The following ZNF286A variants were observed in gnomAD, a reference collection of about 807,000 sequenced individuals.
ZNF286A encodes the protein zinc finger protein ZNF286.
Under a neutral mutation model 49.3 loss-of-function variants are expected in ZNF286A, and 34 were observed. That is an observed-to-expected ratio of 0.69 (90% CI 0.52 to 0.92). The LOEUF (loss-of-function observed/expected upper bound fraction) is 0.92. ZNF286A is among the 40% of genes least tolerant of loss of function. The pLI, the probability that ZNF286A is intolerant of heterozygous loss-of-function variation, is 0.00. For synonymous variants in ZNF286A, 155 were observed against 200.4 expected, an observed-to-expected ratio of 0.77 and a Z score of 1.91; for missense variants, 462 against 600.2, an observed-to-expected ratio of 0.77 and a Z score of 2.41.
intron 4 of ZNF286A, among the ~76,000 whole-genome samples, chr17:15,707,117 C>T (rs1013652892): frequency 1.3e-5 from 2 of 152,046 alleles, no homozygotes; most frequent in African/African-American, 4.8e-5. Context: ...TAGCCCCTCC[C>T]AAACCTTATG....
At chr17:15,708,989 TAC>T (rs902820867) in intron 5 of ZNF286A, among the ~76,000 whole-genome samples, 1 of 152,184 alleles carries the variant, frequency 6.6e-6, no homozygotes, top group African/African-American at 2.4e-5. Flanking sequence ...AGAGGATAGA[TAC>T]ATACTCACTT....
chr17:15,706,544 C>T (rs1456937367), intron 4 of ZNF286A, 43 bp downstream of exon 4: 43 of 1,412,100 alleles, frequency 3.0e-5, no homozygotes, highest in Non-Finnish European at 4.0e-5. Flanking sequence ...ATAGGAGCAT[C>T]ATTACTTTAA....
chr17:15,716,765 T>G lies in ZNF286A; in HGVS notation c.1041T>G (p.Ile347Met). The change falls in exon 6 of 6, where the codon ATT becomes ATG. Residue 347 changes from isoleucine (I) to methionine (M), a missense_variant. Around this residue, in one of 3 missense-constraint regions of ZNF286A, gnomAD observed 201 missense variants for 311.3 expected, o/e 0.65. Transcript: ENST00000583566. ...CACATCTTGTGCAGCATCAGTTGATTCATACTGGAGTGAAGCCTTATGAAT... is the reference window on the plus strand; with the variant it reads ...CACATCTTGTGCAGCATCAGTTGATGCATACTGGAGTGAAGCCTTATGAAT... ...RSTHLVQHQL[I>M]HTGVKPYECN... 6.2e-7 allele frequency: 1 copy of G among 1,613,974 alleles called. No homozygotes were observed. The highest frequency in any genetic ancestry group is 8.5e-7 in the Non-Finnish European group (1 of 1,179,868).
chr17:15,704,450 G>A (rs1990043255), intron 3 of ZNF286A: 6 of 1,611,246 alleles, frequency 3.7e-6, no homozygotes, highest in African/African-American at 1.3e-5. Flanking sequence ...ATCTCTGTGA[G>A]CAGACGGGCC....
chr17:15,716,845 G>C lies in ZNF286A; in HGVS notation c.1121G>C (p.Arg374Thr), dbSNP rs768939008. Residue 374 changes from arginine (R) to threonine (T), a missense_variant, in exon 6 of 6, where the codon AGA (arginine) becomes ACA (threonine). Physicochemically the swap from Arg to Thr is moderately conservative, Grantham distance 71. Transcript: ENST00000583566. ...TCATCAGCACTCATTAAACATCAAAGAACTCATACTGGAGAGAAACCTTAT... is the reference window on the plus strand; with the variant it reads ...TCATCAGCACTCATTAAACATCAAACAACTCATACTGGAGAGAAACCTTAT... ...IHSSALIKHQ[R>T]THTGEKPYKC... 3.1e-6 allele frequency: 5 copies of C among 1,608,744 alleles called. No individual in the cohort carries two copies.
At chr17:15,703,582 T>C (rs1236313540) in intron 3 of ZNF286A, among the ~76,000 whole-genome samples, 1 of 152,052 alleles carries the variant, frequency 6.6e-6, no homozygotes, top group Non-Finnish European at 1.5e-5. Context: ...ACTATGTATA[T>C]TTTTTCACAT....
In ZNF286A at chr17:15,716,351, A is replaced by G. The variant is rs1967050259; in HGVS notation, c.627A>G (p.Arg209=). The stretch of plus-strand genomic sequence containing the variant: ...AATCTGTCCTTATCACTGAAGACAG[A>G]GTTCCCAAAGGATCTTATGCCTTCC... ...NQKSVLITED[R]VPKGSYAFHT... is the part of the protein sequence containing the mutation. Residue 209 remains arginine (R), a synonymous_variant, in exon 6 of 6, where the codon AGA becomes AGG. Coordinates refer to ENST00000583566, the MANE Select transcript of ZNF286A (RefSeq NM_001130842.2). The G allele has an allele frequency of 1.9e-6, 3 of 1,613,954 alleles. No homozygotes were observed. Among genetic ancestry groups the G allele is most frequent in the Non-Finnish European group, 1.7e-6 (2 of 1,179,892 alleles).
At position 15,712,651 on chromosome 17, in the gene ZNF286A, C is replaced by T. The variant is rs190876845; in HGVS notation, c.335-3408C>T. 5.5e-3 allele frequency among the ~76,000 whole-genome samples: 833 copies of T among 152,270 alleles called. 6 individuals are homozygous for T. Among genetic ancestry groups the T allele is most frequent in the Non-Finnish European group, 7.5e-3 (513 of 68,016 alleles). The stretch of plus-strand genomic sequence containing the variant: ...CCTAATTATATTCTAAGTATTTCTT[C>T]ACTGTTAATTTTCCTTCATATATTT... On this transcript the variant is annotated intron_variant, in intron 5 of 5. Transcript: ENST00000583566.
intron 3 of ZNF286A, among the ~76,000 whole-genome samples, chr17:15,702,629 G>A (rs1989873554): frequency 1.3e-5 from 2 of 152,214 alleles, no homozygotes; most frequent in Non-Finnish European, 2.9e-5. Context: ...AATCCAAGGT[G>A]TAAAAAGTAG....
rs2530064 is a variant in ZNF286A at position 15,717,167 on chromosome 17, C to T, written c.1443C>T (p.Leu481=). Residue 481 remains leucine (L), a synonymous_variant, in exon 6 of 6, where the codon CTC becomes CTT. Transcript: ENST00000583566. ...AAGCCTTCATTCATTCATCAGCTCT[C>T]ATTCAACATCAGAGAACTCATACCG... ...CGKAFIHSSA[L]IQHQRTHTGE... The T allele has an allele frequency of 0.3, 419,834 of 1,411,142 alleles. 84,236 individuals are homozygous for T. Among genetic ancestry groups the T allele is most frequent in the Admixed American group, 0.37 (20,808 of 55,502 alleles). 87.4% of individuals were successfully genotyped at this position (1,411,142 alleles called of 1,614,324 possible). A position where few individuals can be genotyped will look rare whatever the true frequency, so the allele number is the denominator to read the frequency against.
intron 5 of ZNF286A, 45 bp downstream of exon 5, chr17:15,708,292 G>A (rs745662625): frequency 6.8e-7 from 1 of 1,472,174 alleles, no homozygotes; most frequent in East Asian, 2.4e-5. Context: ...AGCCCAGCAG[G>A]ACAATGAAGA....
chr17:15,706,838 A>G (rs1990260960), intron 4 of ZNF286A, among the ~76,000 whole-genome samples: 1 of 152,138 alleles, frequency 6.6e-6, no homozygotes, highest in African/African-American at 2.4e-5. Flanking sequence ...GCTCTGTATT[A>G]GCTTTATTCC....
chr17:15,716,670 C>G lies in ZNF286A; in HGVS notation c.946C>G (p.His316Asp). ...TFTESSSLAT[H>D]QRIHVGERPY... ...CACAGAAAGCTCATCCCTTGCAACA[C>G]ATCAGAGAATTCACGTTGGAGAGAG... The change falls in exon 6 of 6, where the codon CAT (histidine) becomes GAT (aspartate). Residue 316 changes from histidine (H) to aspartate (D), a missense_variant. Physicochemically the swap from His to Asp is moderately conservative, Grantham distance 81 (BLOSUM62 -1). Coordinates refer to ENST00000583566, the MANE Select transcript of ZNF286A (RefSeq NM_001130842.2). 1.2e-6 allele frequency: 2 copies of G among 1,614,064 alleles called. No homozygotes were observed. Among genetic ancestry groups the G allele is most frequent in the Non-Finnish European group, 1.7e-6 (2 of 1,179,954 alleles).
intron 5 of ZNF286A, 86 bp downstream of exon 5, chr17:15,708,333 T>TCGGAGCTTGCA: frequency 9.6e-7 from 1 of 1,042,766 alleles, no homozygotes; most frequent in Non-Finnish European, 1.3e-6. Context: ...AAAGTGCCTG[T>TCGGAGCTTGCA]GTGCCCTTAT....
At position 15,717,956 on chromosome 17, in the gene ZNF286A, CAG is replaced by C. The variant is rs1967159025; in HGVS notation, c.*669_*670del. 2.1e-5 allele frequency: 1 copy of C among 48,384 alleles called. No homozygotes were observed. The highest frequency in any genetic ancestry group is 7.5e-4 in the East Asian group (1 of 1,326). The allele number at this position is 48,384 out of a possible 1,614,324, so 3.0% of individuals were successfully genotyped here. A position where few individuals can be genotyped will look rare whatever the true frequency, so the allele number is the denominator to read the frequency against. ...TTTTTTTTTTTTTTTTTTTTTGAGACAGAGTCTTGCTCTGTTGCCCGGGCTGG... is the reference window on the plus strand; with the variant it reads ...TTTTTTTTTTTTTTTTTTTTTGAGACAGTCTTGCTCTGTTGCCCGGGCTGG... On this transcript the variant is annotated 3_prime_UTR_variant, in exon 6 of 6. Transcript: ENST00000583566.
chr17:15,703,781 A>G (rs1989969822), intron 3 of ZNF286A, among the ~76,000 whole-genome samples: 1 of 152,136 alleles, frequency 6.6e-6, no homozygotes, highest in African/African-American at 2.4e-5. Context: ...ATGTGTTTCA[A>G]ACTTTTATTG....
At chr17:15,710,565 T>C (rs938788229) in intron 5 of ZNF286A, among the ~76,000 whole-genome samples, 1 of 152,234 alleles carries the variant, frequency 6.6e-6, no homozygotes, top group African/African-American at 2.4e-5. Flanking sequence ...GGTTTACTTG[T>C]CTGTCTATGT....
chr17:15,704,647 T>C lies in ZNF286A; in HGVS notation c.127-1740T>C, dbSNP rs192849496. Reference sequence around the variant, plus strand: ...CTCGCCATTGGCGCCCACGTTCGGGTGGAAGATCTTGGTCAGGAAGTAGCC... The same window carrying C: ...CTCGCCATTGGCGCCCACGTTCGGGCGGAAGATCTTGGTCAGGAAGTAGCC... On this transcript the variant is annotated intron_variant, in intron 3 of 5. Transcript: ENST00000583566. 2,986 of 1,613,848 alleles carry C rather than the reference T, an allele frequency of 1.9e-3. 32 individuals carry two copies. In the African/African-American group the frequency reaches 0.034, roughly 19 times the overall value.
rs1967190245 is a variant in ZNF286A at position 15,718,348 on chromosome 17, GT to G, written c.*1060del. On this transcript the variant is annotated 3_prime_UTR_variant, in exon 6 of 6. Transcript: ENST00000583566. ...ATGGGTCAAAATCTTAACAGTGGTT[GT>G]TGATCAAGTCCTTCCTTTCTTATCC... The G allele has an allele frequency of 6.7e-6, 1 of 148,674 alleles. No individual in the cohort carries two copies. The highest frequency in any genetic ancestry group is 2.5e-5 in the African/African-American group (1 of 39,926). 9.2% of individuals were successfully genotyped at this position (148,674 alleles called of 1,614,324 possible).
Sources: allele counts gnomAD v4.1 joint callset (sites outside exome capture counted in the v4.1 genomes callset), GRCh38; gene constraint gnomAD v4.1.1; regional missense constraint gnomAD v4.1.1; transcripts MANE v1.5; gene names NCBI Gene and HGNC (gene_info 2026-07-23, HGNC 2026-07-21).